AK7: variants seen among roughly 807,000 people sequenced by gnomAD.
AK7 encodes ATP-AMP transphosphorylase 7.
AK7 carries 78 observed loss-of-function variants against 96.6 expected under a neutral mutation model. The observed-to-expected ratio is 0.81, with a 90% confidence interval of 0.67 to 0.97. AK7 has a LOEUF of 0.97. Ranked by LOEUF, AK7 falls within the 50% of genes least tolerant of loss-of-function variation. The pLI, the probability that AK7 is intolerant of heterozygous loss-of-function variation, is 0.00. For synonymous variants in AK7, 302 were observed against 317.2 expected, an observed-to-expected ratio of 0.95 and a Z score of 0.51; for missense variants, 855 against 887.9, an observed-to-expected ratio of 0.96 and a Z score of 0.47.
intron 12 of AK7, among the ~76,000 whole-genome samples, chr14:96,458,576 A>C (rs1415414012): frequency 1.3e-5 from 2 of 151,842 alleles, no homozygotes; most frequent in African/African-American, 4.8e-5. Context: ...CCCCATCTCT[A>C]CTAAAAATAC....
chr14:96,485,081 A>G (rs1366617685), intron 16 of AK7, among the ~76,000 whole-genome samples: 1 of 152,126 alleles, frequency 6.6e-6, no homozygotes, highest in African/African-American at 2.4e-5. Context: ...CCCTCCAGCA[A>G]TGGTAAACCA....
intron 5 of AK7, among the ~76,000 whole-genome samples, chr14:96,432,039 G>T (rs1057480939): frequency 2.6e-5 from 4 of 151,970 alleles, no homozygotes; most frequent in African/African-American, 9.7e-5. Context: ...TTTGATCTTT[G>T]TTGATTTAAA....
intron 2 of AK7, among the ~76,000 whole-genome samples, chr14:96,403,609 A>G (rs1890539310): frequency 6.6e-6 from 1 of 152,230 alleles, no homozygotes; most frequent in Non-Finnish European, 1.5e-5. Context: ...AAGGAAAGGC[A>G]TCAACTTCCC....
chr14:96,432,407 G>A (rs1386135591), intron 5 of AK7, among the ~76,000 whole-genome samples: 1 of 152,040 alleles, frequency 6.6e-6, no homozygotes, highest in Non-Finnish European at 1.5e-5. Context: ...ATATTGTTAT[G>A]TGTGAATTTG....
intron 12 of AK7, among the ~76,000 whole-genome samples, chr14:96,470,200 T>G (rs902913173): frequency 6.7e-6 from 1 of 148,638 alleles, no homozygotes; most frequent in Non-Finnish European, 1.5e-5. Flanking sequence ...TTTTACATTA[T>G]GTAAAATGAG....
intron 11 of AK7, 40 bp downstream of exon 11, chr14:96,456,515 T>A (rs771444237): frequency 1.3e-6 from 2 of 1,597,344 alleles, no homozygotes; most frequent in Admixed American, 1.7e-5. Context: ...TTTAATTAAT[T>A]ACTGTATTGT....
At chr14:96,485,309 T>C (rs1358812410) in intron 16 of AK7, among the ~76,000 whole-genome samples, 1 of 152,214 alleles carries the variant, frequency 6.6e-6, no homozygotes, top group East Asian at 1.9e-4. Flanking sequence ...GTGTGACTTT[T>C]TCTTATTATT....
rs1224938925 is a variant in AK7, at chr14:96,392,821, C to T, written c.105+562C>T. Among the ~76,000 whole-genome samples the T allele has an allele frequency of 2.6e-5, 4 of 151,726 alleles. No homozygotes were observed. The East Asian group carries it at 7.7e-4, about 29-fold the overall frequency. The stretch of plus-strand genomic sequence containing the variant: ...GGGACTACAGGCGCCCGACACCGCG[C>T]CCGGCTAATTTTTTGTATTTTTAGC... On this transcript the variant is annotated intron_variant, in intron 1 of 17. Transcript: ENST00000267584.
At chr14:96,460,089 C>T (rs1012869768) in intron 12 of AK7, among the ~76,000 whole-genome samples, 6 of 152,166 alleles carry the variant, frequency 3.9e-5, no homozygotes, top group Non-Finnish European at 7.3e-5. Context: ...CATTGCAACT[C>T]TTAGATAGTG....
At chr14:96,433,402 C>T (rs1268717986) in intron 5 of AK7, among the ~76,000 whole-genome samples, 1 of 152,074 alleles carries the variant, frequency 6.6e-6, no homozygotes, top group Admixed American at 6.6e-5. Context: ...CTTCTCTTCT[C>T]ACTTCATTTC....
intron 4 of AK7, among the ~76,000 whole-genome samples, chr14:96,409,773 T>A (rs902351557): frequency 6.6e-6 from 1 of 152,224 alleles, no homozygotes; most frequent in African/African-American, 2.4e-5. Flanking sequence ...AACATTCTCT[T>A]GACTAATGTA....
intron 5 of AK7, among the ~76,000 whole-genome samples, chr14:96,433,370 T>G (rs1319412309): frequency 6.6e-6 from 1 of 152,184 alleles, no homozygotes; most frequent in Non-Finnish European, 1.5e-5. Flanking sequence ...TGTTCATTTC[T>G]TTTTACTCTT....
intron 5 of AK7, 139 bp downstream of exon 5, chr14:96,421,071 G>C (rs1891661621): frequency 1.8e-6 from 1 of 551,706 alleles, no homozygotes; most frequent in African/African-American, 1.9e-5. Flanking sequence ...TCCTGGCCCA[G>C]GTTCTGGTCC....
intron 14 of AK7, among the ~76,000 whole-genome samples, chr14:96,473,039 G>T (rs565910721): frequency 1.3e-5 from 2 of 152,052 alleles, no homozygotes; most frequent in Non-Finnish European, 2.9e-5. Flanking sequence ...CCGAGATCCT[G>T]CCACTGCACT....
At chr14:96,488,180 T>C (rs1040381487) in intron 17 of AK7, 125 bp from the exon 18 acceptor site, 1 of 809,862 alleles carries the variant, frequency 1.2e-6, no homozygotes, top group Non-Finnish European at 2.0e-6. Flanking sequence ...CCCAAAGTGC[T>C]GGGATTACAG....
At chr14:96,428,277 T>C (rs1228055969) in intron 5 of AK7, among the ~76,000 whole-genome samples, 1 of 151,504 alleles carries the variant, frequency 6.6e-6, no homozygotes, top group African/African-American at 2.4e-5. Context: ...TCCATGTCCC[T>C]ACAAAGGACA....
intron 11 of AK7, 68 bp from the exon 12 acceptor site, chr14:96,458,015 C>A (rs1186051439): frequency 5.1e-6 from 8 of 1,576,148 alleles, no homozygotes; most frequent in African/African-American, 1.3e-5. Context: ...GGATCACCTG[C>A]CAGCTGATTT....
chr14:96,472,722 A>C lies in AK7; in HGVS notation c.1522A>C (p.Arg508=). The part of the protein sequence containing the change: ...DEEEEDDVRG[R]MFPFDKLIIP... ...GGAGGAGGAAGATGATGTCAGAGGC[A>C]GAATGTTTCCCTTTGATAAATTAAT... is the stretch of plus-strand genomic sequence containing the variant. The change falls in exon 14 of 18, where the codon AGA becomes CGA. Residue 508 remains arginine (R), a synonymous_variant. Coordinates refer to ENST00000267584, the MANE Select transcript of AK7 (RefSeq NM_152327.5). The C allele has an allele frequency of 6.2e-7, 1 of 1,613,146 alleles. No homozygotes were observed. The highest frequency in any genetic ancestry group is 1.7e-4 in the Middle Eastern group (1 of 6,060).
chr14:96,483,406 C>G (rs1895613034), intron 16 of AK7, among the ~76,000 whole-genome samples, 187 bp downstream of exon 16: 1 of 151,070 alleles, frequency 6.6e-6, no homozygotes. Context: ...TGGTCTTTTG[C>G]TTAGTTTTTT....
Sources: allele counts gnomAD v4.1 joint callset (sites outside exome capture counted in the v4.1 genomes callset), GRCh38; gene constraint gnomAD v4.1.1; transcripts MANE v1.5; gene names NCBI Gene and HGNC (gene_info 2026-07-23, HGNC 2026-07-21).